The following TNFRSF1B variants were observed in gnomAD, a reference collection of about 807,000 sequenced individuals.
The protein encoded by TNFRSF1B is tumor necrosis factor receptor superfamily member 1B.
A neutral mutation model predicts 44.6 loss-of-function variants in TNFRSF1B; 19 were observed. The observed-to-expected ratio is 0.43, with a 90% CI of 0.30 to 0.62. The LOEUF is 0.62. TNFRSF1B is among the 20% of genes least tolerant of loss of function. TNFRSF1B has a pLI of 0.16. For missense variants in TNFRSF1B, 541 were observed against 619.9 expected, an observed-to-expected ratio of 0.87 and a Z score of 1.35; for synonymous variants, 252 against 261.1, an observed-to-expected ratio of 0.97 and a Z score of 0.34.
chr1:12,176,128 A>T (rs1262286491), intron 1 of TNFRSF1B, among the ~76,000 whole-genome samples: 2 of 151,962 alleles, frequency 1.3e-5, no homozygotes, highest in African/African-American at 4.8e-5. Context: ...CTGAGGTATG[A>T]GAATCACTTG....
chr1:12,202,377 G>A (rs775024687), intron 9 of TNFRSF1B, among the ~76,000 whole-genome samples: 2 of 152,188 alleles, frequency 1.3e-5, no homozygotes, highest in Non-Finnish European at 2.9e-5. Flanking sequence ...CCCTTCTGTG[G>A]GACAACCCCA....
intron 6 of TNFRSF1B, 79 bp from the exon 7 acceptor site, chr1:12,193,876 G>T: frequency 8.6e-7 from 1 of 1,160,396 alleles, no homozygotes. Context: ...AGCACCTTGG[G>T]TCCCTGGCTT....
intron 1 of TNFRSF1B, among the ~76,000 whole-genome samples, chr1:12,179,094 C>T (rs5745975): frequency 0.023 from 3,454 of 152,138 alleles, 46 homozygotes; most frequent in Non-Finnish European, 0.035. Context: ...GGACCATGCC[C>T]GGCGTCTTTG....
chr1:12,176,377 A>G (rs1371102671), intron 1 of TNFRSF1B, among the ~76,000 whole-genome samples: 1 of 152,234 alleles, frequency 6.6e-6, no homozygotes, highest in Non-Finnish European at 1.5e-5. Flanking sequence ...AGTACCAATT[A>G]CATTGAGAAA....
chr1:12,177,142 A>G lies in TNFRSF1B; in HGVS notation c.78+9973A>G, dbSNP rs745551466. Among the ~76,000 whole-genome samples the G allele has an allele frequency of 4.6e-5, 7 of 152,016 alleles. No homozygotes were observed. The highest frequency in any genetic ancestry group is 1.0e-4 in the Non-Finnish European group (7 of 68,004). ...CTCAGCCTCCCAAGTAGCTGGGACT[A>G]CAGGCGTGCCCCACCACGCCTGGCT... On this transcript the variant is annotated intron_variant, in intron 1 of 9. Transcript: ENST00000376259. This position sits in a 1 kb window ranked among gnomAD's most constrained non-coding sequence, Gnocchi z 4.3.
Position 12,187,237 on chromosome 1 carries a change from T to A in TNFRSF1B, c.79-1559T>A, listed in dbSNP as rs1416965724. Among the ~76,000 whole-genome samples the A allele has an allele frequency of 6.6e-6, 1 of 150,806 alleles. No individual in the cohort carries two copies. Among genetic ancestry groups the A allele is most frequent in the Non-Finnish European group, 1.5e-5 (1 of 67,772 alleles). ...GGCATGATCTCAGCTCACTGCAACC[T>A]CCTCCTCCCAGGTTCAGGGGATTCT... On this transcript the variant is annotated intron_variant, in intron 1 of 9. Transcript: ENST00000376259. The surrounding 1 kb of genome is among the most constrained non-coding windows in gnomAD (Gnocchi z 5.5).
At chr1:12,183,711 T>TATCTAGCTA (rs1553163383) in intron 1 of TNFRSF1B, among the ~76,000 whole-genome samples, 3 of 93,220 alleles carry the variant, frequency 3.2e-5, no homozygotes, top group African/African-American at 1.1e-4. Flanking sequence ...TATCTATCTA[T>TATCTAGCTA]TCTATCTACC....
intron 1 of TNFRSF1B, among the ~76,000 whole-genome samples, chr1:12,172,065 G>A (rs1187845834): frequency 6.6e-6 from 1 of 152,018 alleles, no homozygotes; most frequent in Non-Finnish European, 1.5e-5. Flanking sequence ...TCACCCCCTC[G>A]ACATCCCTCG....
chr1:12,200,726 G>A (rs1639370577), intron 8 of TNFRSF1B, among the ~76,000 whole-genome samples: 2 of 152,082 alleles, frequency 1.3e-5, no homozygotes, highest in African/African-American at 4.8e-5. Context: ...AGGTTCAAGC[G>A]ATTCTCCTGC....
rs764464033 is a variant in TNFRSF1B, at chr1:12,202,037, C to T, written c.971C>T (p.Pro324Leu). The change falls in exon 9 of 10, where the codon CCG (proline) becomes CTG (leucine). Residue 324 changes from proline to leucine, a missense_variant. By Grantham distance (98) the Pro-to-Leu change is moderately conservative. Transcript: ENST00000376259. ...CAGCAGCACCTGCTGATCACAGCGCCGAGCTCCAGCAGCAGCTCCCTGGAG... is the reference window on the plus strand; with the variant it reads ...CAGCAGCACCTGCTGATCACAGCGCTGAGCTCCAGCAGCAGCTCCCTGGAG... ...PEQQHLLITAPSSSSSSLESS... is the reference protein window; with the variant it reads ...PEQQHLLITALSSSSSSLESS... The T allele has an allele frequency of 8.7e-6, 14 of 1,611,586 alleles. No individual in the cohort carries two copies. Among genetic ancestry groups the T allele is most frequent in the East Asian group, 6.7e-5 (3 of 44,776 alleles).
intron 8 of TNFRSF1B, among the ~76,000 whole-genome samples, chr1:12,200,652 C>T (rs966635931): frequency 6.6e-6 from 1 of 152,088 alleles, no homozygotes; most frequent in East Asian, 1.9e-4. Flanking sequence ...GATGGAGTTT[C>T]ACTCTTGTTG....
chr1:12,195,852 A>G (rs1051767949), intron 8 of TNFRSF1B, among the ~76,000 whole-genome samples: 1 of 152,186 alleles, frequency 6.6e-6, no homozygotes, highest in African/African-American at 2.4e-5. Flanking sequence ...GGGCAGGTAG[A>G]GAAAGAACTT....
At chr1:12,176,949 T>C (rs1052493290) in intron 1 of TNFRSF1B, among the ~76,000 whole-genome samples, 1 of 151,754 alleles carries the variant, frequency 6.6e-6, no homozygotes, top group Non-Finnish European at 1.5e-5. Flanking sequence ...ACATGCGGCC[T>C]CTCTGGCCTT....
In TNFRSF1B at chr1:12,194,577, T is replaced by C. The variant is rs1639224302; in HGVS notation, c.866-7T>C. ...AATCTCTTACTTGTCCCCTCTCCTC[T>C]TTATAGAGAAGCCCTTGTGCCTGCA... On this transcript the variant is annotated splice_region_variant and splice_polypyrimidine_tract_variant and intron_variant, in intron 7 of 9. Transcript: ENST00000376259. 7 of 1,614,146 alleles carry C rather than the reference T, an allele frequency of 4.3e-6. No homozygotes were observed. The highest frequency in any genetic ancestry group is 5.9e-6 in the Non-Finnish European group (7 of 1,179,994).
chr1:12,193,164 C>G (rs760848007), intron 6 of TNFRSF1B, 66 bp downstream of exon 6: 1 of 1,427,060 alleles, frequency 7.0e-7, no homozygotes, highest in African/African-American at 1.4e-5. Flanking sequence ...TCTCTTTCTT[C>G]CTCTCCCATG....
At chr1:12,167,739 A>G (rs908525347) in intron 1 of TNFRSF1B, among the ~76,000 whole-genome samples, 1 of 152,158 alleles carries the variant, frequency 6.6e-6, no homozygotes, top group Non-Finnish European at 1.5e-5. Flanking sequence ...CTGGAGGGCG[A>G]GCTGCCTGTC....
rs1233263974 is a variant in TNFRSF1B, at chr1:12,187,735, C to T, written c.79-1061C>T. Among the ~76,000 whole-genome samples, 1 of 152,210 alleles carries T rather than the reference C, an allele frequency of 6.6e-6. No individual in the cohort carries two copies. The highest frequency in any genetic ancestry group is 1.5e-5 in the Non-Finnish European group (1 of 68,030). ...AGGTAGGGTCTTCCAGAAGCAGAGC[C>T]TGAGGCAGGGATCTTTGTGAAAGTG... On this transcript the variant is annotated intron_variant, in intron 1 of 9. Transcript: ENST00000376259. The surrounding 1 kb of genome is among the most constrained non-coding windows in gnomAD (Gnocchi z 5.5).
At chr1:12,191,160 G>A in intron 3 of TNFRSF1B, 75 bp downstream of exon 3, 1 of 1,566,576 alleles carries the variant, frequency 6.4e-7, no homozygotes, top group Non-Finnish European at 8.7e-7. Flanking sequence ...AGCCTCTTTG[G>A]CTTCCAGCTG....
intron 9 of TNFRSF1B, among the ~76,000 whole-genome samples, chr1:12,203,537 A>G (rs1467702530): frequency 6.6e-6 from 1 of 151,718 alleles, no homozygotes. Flanking sequence ...CTGCCCCATC[A>G]TAGCCCCCAG....
Sources: allele counts gnomAD v4.1 joint callset (sites outside exome capture counted in the v4.1 genomes callset), GRCh38; gene constraint gnomAD v4.1.1; non-coding constraint Gnocchi (gnomAD v3.1); transcripts MANE v1.5; gene names NCBI Gene and HGNC (gene_info 2026-07-23, HGNC 2026-07-21).